The following SCAPER variants were observed in gnomAD, a reference collection of about 807,000 sequenced individuals.
SCAPER encodes S phase cyclin A-associated protein in the endoplasmic reticulum.
A neutral mutation model predicts 182.2 loss-of-function variants in SCAPER; 98 were observed. The observed-to-expected ratio is 0.54, with a 90% CI of 0.46 to 0.64. SCAPER has a LOEUF of 0.64. Ranked by LOEUF, SCAPER falls within the 30% of genes least tolerant of loss-of-function variation. The probability of loss-of-function intolerance (pLI) is 0.00; values close to 1 mark genes in which losing one functional copy is unlikely to be tolerated. For synonymous variants in SCAPER, 605 were observed against 564.6 expected, an observed-to-expected ratio of 1.07 and a Z score of -1.01; for missense variants, 1,432 against 1,690.0, an observed-to-expected ratio of 0.85 and a Z score of 2.68.
chr15:76,685,545 A>C (rs565447443), intron 20 of SCAPER, among the ~76,000 whole-genome samples: 2 of 152,172 alleles, frequency 1.3e-5, no homozygotes, highest in South Asian at 4.2e-4. Flanking sequence ...GAATTATAAA[A>C]CCTAATTTAG....
At chr15:76,439,826 G>C (rs2047439385) in intron 25 of SCAPER, among the ~76,000 whole-genome samples, 1 of 152,194 alleles carries the variant, frequency 6.6e-6, no homozygotes, top group African/African-American at 2.4e-5. Flanking sequence ...AGCCTGGCCT[G>C]GGAAAGAGAG....
chr15:76,607,921 A>G (rs929002618), intron 22 of SCAPER, among the ~76,000 whole-genome samples: 10 of 151,650 alleles, frequency 6.6e-5, no homozygotes, highest in African/African-American at 2.4e-4. Context: ...CATTCGTCTA[A>G]TTTTTTTTCA....
intron 25 of SCAPER, among the ~76,000 whole-genome samples, chr15:76,461,729 CT>C (rs2049194479): frequency 6.6e-6 from 1 of 152,140 alleles, no homozygotes; most frequent in Admixed American, 6.6e-5. Flanking sequence ...GGATTGGCCT[CT>C]GTTAATTGCC....
At chr15:76,858,400 G>A (rs2071585434) in intron 3 of SCAPER, among the ~76,000 whole-genome samples, 2 of 152,038 alleles carry the variant, frequency 1.3e-5, no homozygotes, top group South Asian at 2.1e-4. Flanking sequence ...TTATAAGAAA[G>A]ACACCAACTA....
intron 23 of SCAPER, among the ~76,000 whole-genome samples, chr15:76,535,583 T>C (rs1479549654): frequency 2.0e-5 from 3 of 151,306 alleles, no homozygotes; most frequent in African/African-American, 7.3e-5. Context: ...TAAAGGCCCT[T>C]GCAAATGTGA....
chr15:76,657,658 A>C (rs2055779121), intron 21 of SCAPER, among the ~76,000 whole-genome samples: 1 of 151,992 alleles, frequency 6.6e-6, no homozygotes, highest in Non-Finnish European at 1.5e-5. Flanking sequence ...CATGCATACA[A>C]AAATCCTCAA....
At chr15:76,543,427 ATGAATTAC>A (rs1286879102) in intron 23 of SCAPER, among the ~76,000 whole-genome samples, 1 of 152,202 alleles carries the variant, frequency 6.6e-6, no homozygotes, top group Non-Finnish European at 1.5e-5. Context: ...CATTTCAGCA[ATGAATTAC>A]TGATGGTAAG....
At chr15:76,533,243 C>A (rs532270688) in intron 23 of SCAPER, among the ~76,000 whole-genome samples, 1 of 152,248 alleles carries the variant, frequency 6.6e-6, no homozygotes, top group African/African-American at 2.4e-5. Context: ...TGTTAAAAAT[C>A]AAATACGTCA....
At chr15:76,383,555 C>A (rs1321977113) in intron 27 of SCAPER, among the ~76,000 whole-genome samples, 1 of 152,228 alleles carries the variant, frequency 6.6e-6, no homozygotes, top group Non-Finnish European at 1.5e-5. Flanking sequence ...ATGGCAGGAT[C>A]TGCCAAGTAC....
At chr15:76,496,318 G>A (rs2040534652) in intron 24 of SCAPER, among the ~76,000 whole-genome samples, 1 of 151,648 alleles carries the variant, frequency 6.6e-6, no homozygotes, top group Non-Finnish European at 1.5e-5. Flanking sequence ...TCAGTTGTTT[G>A]TAAATATAAG....
At chr15:76,851,222 C>T (rs2070724632) in intron 4 of SCAPER, among the ~76,000 whole-genome samples, 1 of 151,658 alleles carries the variant, frequency 6.6e-6, no homozygotes, top group African/African-American at 2.4e-5. Context: ...CACTGGCATC[C>T]CTGAAAAGGA....
chr15:76,402,441 T>A (rs570477631), intron 27 of SCAPER, among the ~76,000 whole-genome samples: 53 of 152,270 alleles, frequency 3.5e-4, no homozygotes, highest in African/African-American at 1.3e-3. Context: ...CCACATAATG[T>A]ACATATCATA....
chr15:76,573,123 G>A (rs142945864), intron 23 of SCAPER, among the ~76,000 whole-genome samples: 98 of 152,134 alleles, frequency 6.4e-4, no homozygotes, highest in African/African-American at 2.2e-3. Flanking sequence ...TTTTATAAAG[G>A]TCAAAGCCAA....
chr15:76,696,137 T>C (rs931811591), intron 20 of SCAPER, among the ~76,000 whole-genome samples: 4 of 152,224 alleles, frequency 2.6e-5, no homozygotes, highest in Non-Finnish European at 4.4e-5. Context: ...AATGGGTCTA[T>C]ATGGAATTAT....
intron 24 of SCAPER, among the ~76,000 whole-genome samples, chr15:76,499,484 T>G (rs1324074977): frequency 6.6e-6 from 1 of 152,232 alleles, no homozygotes. Flanking sequence ...GCCCTTTTAC[T>G]GCTTTGCTTT....
At chr15:76,592,106 A>G (rs1272995025) in intron 22 of SCAPER, among the ~76,000 whole-genome samples, 1 of 150,606 alleles carries the variant, frequency 6.6e-6, no homozygotes, top group African/African-American at 2.5e-5. Flanking sequence ...TACAGATTAT[A>G]TATATAATAT....
Position 76,702,859 on chromosome 15 carries a change from G to A in SCAPER, c.2391C>T (p.Cys797=). Residue 797 remains cysteine (C), a synonymous_variant, in exon 19 of 32, where the codon TGC becomes TGT. Coordinates refer to ENST00000563290, the MANE Select transcript of SCAPER (RefSeq NM_020843.4). ...PYERKKQCSL[C]NVLISSEVYL... ...TGATATAACAACCTACCAGGACATT[G>A]CAGAGAGAACACTGCTTCTTTCTTT... The A allele has an allele frequency of 6.2e-7, 1 of 1,604,200 alleles. No homozygotes were observed. The highest frequency in any genetic ancestry group is 8.5e-7 in the Non-Finnish European group (1 of 1,177,444).
At chr15:76,680,819 C>G (rs2057661744) in intron 20 of SCAPER, among the ~76,000 whole-genome samples, 1 of 152,192 alleles carries the variant, frequency 6.6e-6, no homozygotes, top group Admixed American at 6.5e-5. Flanking sequence ...AACCTTCCAG[C>G]TAGCAGAACT....
intron 14 of SCAPER, among the ~76,000 whole-genome samples, chr15:76,759,696 G>A (rs1028350138): frequency 1.3e-5 from 2 of 152,122 alleles, no homozygotes; most frequent in Non-Finnish European, 2.9e-5. Flanking sequence ...TTTGTCAAGT[G>A]TTTATCCTGC....
Sources: allele counts gnomAD v4.1 joint callset (sites outside exome capture counted in the v4.1 genomes callset), GRCh38; gene constraint gnomAD v4.1.1; transcripts MANE v1.5; gene names NCBI Gene and HGNC (gene_info 2026-07-23, HGNC 2026-07-21).